GRID1: variants seen among roughly 807,000 people sequenced by gnomAD.
GRID1 encodes glutamate receptor ionotropic, delta-1.
GRID1 carries 28 observed loss-of-function variants against 98.0 expected under a neutral mutation model. That is an observed-to-expected ratio of 0.29 (90% confidence interval 0.21 to 0.39). The LOEUF is 0.39. Ranked by LOEUF, GRID1 falls within the 10% of genes least tolerant of loss-of-function variation. The pLI is 1.00. For synonymous variants in GRID1, 553 were observed against 538.5 expected (o/e 1.03, Z -0.37); for missense variants, 1,111 against 1,340.5 (o/e 0.83, Z 2.67).
At chr10:86,217,702 GC>G (rs1162489388) in intron 2 of GRID1, among the ~76,000 whole-genome samples, 1 of 152,160 alleles carries the variant, frequency 6.6e-6, no homozygotes, top group South Asian at 2.1e-4. Flanking sequence ...AAGTCACTGG[GC>G]CATGGGAACA....
intron 8 of GRID1, among the ~76,000 whole-genome samples, chr10:85,803,171 A>C (rs12245654): frequency 0.17 from 26,340 of 151,980 alleles, 3,349 homozygotes; most frequent in African/African-American, 0.34. Context: ...TTTGATAGCA[A>C]AACAGTGTGA....
At chr10:85,824,263 G>T (rs1158813906) in intron 8 of GRID1, among the ~76,000 whole-genome samples, 1 of 152,174 alleles carries the variant, frequency 6.6e-6, no homozygotes, top group African/African-American at 2.4e-5. Context: ...AGAGACTGGA[G>T]TGCAGTGGTG....
intron 8 of GRID1, among the ~76,000 whole-genome samples, chr10:85,814,076 TA>T (rs1482284646): frequency 2.6e-5 from 4 of 151,834 alleles, no homozygotes; most frequent in Non-Finnish European, 5.9e-5. Flanking sequence ...AAGAAAATTG[TA>T]GACATAAACC....
intron 2 of GRID1, among the ~76,000 whole-genome samples, chr10:86,251,086 G>A (rs1589426637): frequency 6.6e-6 from 1 of 152,172 alleles, no homozygotes; most frequent in East Asian, 1.9e-4. Flanking sequence ...GTCCACTAAG[G>A]GTTAAATGGA....
At chr10:86,079,533 G>C (rs1300984723) in intron 4 of GRID1, among the ~76,000 whole-genome samples, 3 of 152,154 alleles carry the variant, frequency 2.0e-5, no homozygotes, top group Admixed American at 2.0e-4. Flanking sequence ...TAGAAGCCAA[G>C]AAAGAAACCA....
chr10:86,083,641 A>G (rs7909669), intron 4 of GRID1, among the ~76,000 whole-genome samples: 18,089 of 152,242 alleles, frequency 0.12, 1,241 homozygotes, highest in South Asian at 0.19. Context: ...GTTCTGAGAA[A>G]TGAAGGGTCT....
intron 12 of GRID1, among the ~76,000 whole-genome samples, chr10:85,669,267 T>C (rs1439885319): frequency 2.0e-5 from 3 of 152,224 alleles, no homozygotes; most frequent in South Asian, 2.1e-4. Flanking sequence ...GAGTTTCCTA[T>C]TTATTGAGGG....
At chr10:85,799,585 T>G (rs66489120) in intron 8 of GRID1, among the ~76,000 whole-genome samples, 16,354 of 152,080 alleles carry the variant, frequency 0.11, 1,607 homozygotes, top group East Asian at 0.32. Context: ...TGGATGAACC[T>G]AGAGGACATT....
At chr10:86,008,199 G>A (rs565162360) in intron 4 of GRID1, among the ~76,000 whole-genome samples, 1 of 152,264 alleles carries the variant, frequency 6.6e-6, no homozygotes, top group African/African-American at 2.4e-5. Context: ...AAGCCAGAGT[G>A]AGCAGGGCCT....
rs186095544 is a variant in GRID1, at chr10:86,232,503, C to G, written c.236-25855G>C. On this transcript the variant is annotated intron_variant, in intron 2 of 15. Transcript: ENST00000327946. ...CTGCCTCTCCTGTTGTATTTCCCAC[C>G]CATCCTGAACCTACCCCCACCACCA... Among the ~76,000 whole-genome samples, 18 of 152,302 alleles carry G rather than the reference C, an allele frequency of 1.2e-4. 1 individual carries two copies. The highest frequency in any genetic ancestry group is 9.8e-4 in the Admixed American group (15 of 15,290).
rs554960962 is a variant in GRID1, at chr10:86,239,216, T to C, written c.236-32568A>G. Among the ~76,000 whole-genome samples the C allele has an allele frequency of 1.3e-4, 20 of 152,380 alleles. No individual in the cohort carries two copies. In the South Asian group the frequency reaches 4.1e-3, roughly 32 times the overall value. On this transcript the variant is annotated intron_variant, in intron 2 of 15. Transcript: ENST00000327946. ...ATTATTTTGAAGCTTTAAGATTTAG[T>C]GACTGGGTTTTGGGCTTGCATGGGG... is the stretch of plus-strand genomic sequence containing the variant.
intron 2 of GRID1, among the ~76,000 whole-genome samples, chr10:86,329,697 A>G (rs1175255715): frequency 6.6e-6 from 1 of 152,150 alleles, no homozygotes; most frequent in Non-Finnish European, 1.5e-5. Flanking sequence ...ACAAAGTCTC[A>G]GCAGAAGGGC....
intron 4 of GRID1, among the ~76,000 whole-genome samples, chr10:86,107,642 CT>C (rs1400389960): frequency 6.6e-6 from 1 of 152,224 alleles, no homozygotes; most frequent in Non-Finnish European, 1.5e-5. Context: ...TGCCATGCCC[CT>C]ATCCTGTGCC....
rs555106324 is a variant in GRID1 at position 86,332,357 on chromosome 10, A to C, written c.235+31584T>G. Among the ~76,000 whole-genome samples the C allele has an allele frequency of 2.6e-5, 4 of 152,268 alleles. No individual in the cohort carries two copies. The South Asian group carries it at 8.3e-4, about 32-fold the overall frequency. Reference sequence around the variant, plus strand: ...ATTCTAGACGGACCCCCTAGGATTCAGCGGCATGAGGTATGAAGGGTCCAA... The same window carrying C: ...ATTCTAGACGGACCCCCTAGGATTCCGCGGCATGAGGTATGAAGGGTCCAA... On this transcript the variant is annotated intron_variant, in intron 2 of 15. Coordinates refer to ENST00000327946, the MANE Select transcript of GRID1 (RefSeq NM_017551.3).
At position 85,599,820 on chromosome 10, in the gene GRID1, TA is replaced by T. The variant is rs1842548159; in HGVS notation, c.*2452del. The T allele has an allele frequency of 8.5e-6, 1 of 117,018 alleles. No individual in the cohort carries two copies. The highest frequency in any genetic ancestry group is 8.8e-5 in the Admixed American group (1 of 11,314). 7.2% of individuals were successfully genotyped at this position (117,018 alleles called of 1,614,324 possible). A position where few individuals can be genotyped will look rare whatever the true frequency, so the allele number is the denominator to read the frequency against. ...AAAAAAAAATATATATATATATATA[TA>T]AACATGGTGAAGAATAACACCATGA... On this transcript the variant is annotated 3_prime_UTR_variant, in exon 16 of 16. Coordinates refer to ENST00000327946, the MANE Select transcript of GRID1 (RefSeq NM_017551.3).
chr10:86,067,213 G>T (rs1843731603), intron 4 of GRID1, among the ~76,000 whole-genome samples: 1 of 152,210 alleles, frequency 6.6e-6, no homozygotes, highest in South Asian at 2.1e-4. Flanking sequence ...CTTAGCAAAT[G>T]CTGATTAGAG....
chr10:85,835,291 AAACTCTG>A (rs1842903002), intron 8 of GRID1, among the ~76,000 whole-genome samples: 1 of 152,212 alleles, frequency 6.6e-6, no homozygotes, highest in African/African-American at 2.4e-5. Flanking sequence ...AAGGATATTG[AAACTCTG>A]AACAACACAA....
At chr10:86,262,131 T>C (rs1460804873) in intron 2 of GRID1, among the ~76,000 whole-genome samples, 1 of 152,198 alleles carries the variant, frequency 6.6e-6, no homozygotes, top group Non-Finnish European at 1.5e-5. Flanking sequence ...AGTCACCTTC[T>C]AGAAGGAGGA....
intron 12 of GRID1, among the ~76,000 whole-genome samples, chr10:85,695,888 T>C (rs1362145632): frequency 6.6e-6 from 1 of 152,174 alleles, no homozygotes; most frequent in Non-Finnish European, 1.5e-5. Flanking sequence ...GAGACATTCG[T>C]GGCTTCCTAG....
Sources: allele counts gnomAD v4.1 joint callset (sites outside exome capture counted in the v4.1 genomes callset), GRCh38; gene constraint gnomAD v4.1.1; transcripts MANE v1.5; gene names NCBI Gene and HGNC (gene_info 2026-07-23, HGNC 2026-07-21).